The following ARMC9 variants were observed in gnomAD, a reference collection of about 807,000 sequenced individuals.
The protein encoded by ARMC9 is armadillo repeat containing 9, also known as lisH domain-containing protein ARMC9.
A neutral mutation model predicts 107.0 loss-of-function variants in ARMC9; 94 were observed. The observed-to-expected ratio is 0.88, with a 90% confidence interval of 0.74 to 1.04. ARMC9 has a LOEUF of 1.04. Among genes scored for constraint, ARMC9 ranks in the 50% least tolerant of loss-of-function variants. ARMC9 has a pLI of 0.00. For missense variants in ARMC9, 942 were observed against 1,030.1 expected (o/e 0.91, Z 1.17); for synonymous variants, 380 against 396.9 (o/e 0.96, Z 0.51).
chr2:231,325,418 C>T (rs975334146), intron 19 of ARMC9, among the ~76,000 whole-genome samples: 6 of 152,140 alleles, frequency 3.9e-5, no homozygotes, highest in Admixed American at 6.5e-5. Flanking sequence ...ATGTGTTTCT[C>T]GTTGAAATGG....
chr2:231,328,526 G>A (rs1295850434), intron 19 of ARMC9, among the ~76,000 whole-genome samples: 1 of 152,120 alleles, frequency 6.6e-6, no homozygotes, highest in African/African-American at 2.4e-5. Flanking sequence ...GAATTAGATT[G>A]AGGTTCAGTT....
At chr2:231,243,272 G>T (rs2036465091) in intron 9 of ARMC9, among the ~76,000 whole-genome samples, 1 of 151,622 alleles carries the variant, frequency 6.6e-6, no homozygotes, top group Admixed American at 6.6e-5. Flanking sequence ...AATTAGTTGG[G>T]CTTGGTGGTG....
intron 19 of ARMC9, among the ~76,000 whole-genome samples, chr2:231,320,937 G>A (rs1024556897): frequency 6.6e-6 from 1 of 152,204 alleles, no homozygotes; most frequent in Non-Finnish European, 1.5e-5. Context: ...CTTGCTGAAT[G>A]TCGAGTCAGT....
At chr2:231,206,328 G>A in intron 2 of ARMC9, 39 bp downstream of exon 2, 1 of 1,561,978 alleles carries the variant, frequency 6.4e-7, no homozygotes, top group Non-Finnish European at 8.8e-7. Context: ...CAGAGAAACA[G>A]ATCTTGAAAA....
At chr2:231,258,373 G>T (rs1473754340) in intron 10 of ARMC9, among the ~76,000 whole-genome samples, 1 of 151,964 alleles carries the variant, frequency 6.6e-6, no homozygotes, top group Non-Finnish European at 1.5e-5. Flanking sequence ...TAGAGACGGG[G>T]TTTCACCATG....
At chr2:231,205,469 G>C (rs1447891143) in intron 1 of ARMC9, among the ~76,000 whole-genome samples, 2 of 152,174 alleles carry the variant, frequency 1.3e-5, no homozygotes, top group African/African-American at 4.8e-5. Flanking sequence ...CCAGTGAATG[G>C]CATGGTTAAC....
chr2:231,360,714 C>CT lies in ARMC9; in HGVS notation c.2132-40_2132-39insT. ...CGAGAGGGCATCCTTAGAGGGGCTCCAGAGCAGATGTGGACTGAACTTTCT... is the reference window on the plus strand; with the variant it reads ...CGAGAGGGCATCCTTAGAGGGGCTCCTAGAGCAGATGTGGACTGAACTTTCT... On this transcript the variant is annotated intron_variant, in intron 22 of 24. Coordinates refer to ENST00000611582, the MANE Select transcript of ARMC9 (RefSeq NM_001352754.2). This position sits in a 1 kb window ranked among gnomAD's most constrained non-coding sequence, Gnocchi z 4.7. 6.5e-7 allele frequency: 1 copy of CT among 1,536,142 alleles called. No individual in the cohort carries two copies. Among genetic ancestry groups the CT allele is most frequent in the South Asian group, 1.2e-5 (1 of 84,064 alleles).
chr2:231,278,580 C>T (rs760858015), intron 16 of ARMC9, 122 bp downstream of exon 16: 18 of 779,898 alleles, frequency 2.3e-5, no homozygotes, highest in Non-Finnish European at 3.8e-5. Context: ...TGTACATGTT[C>T]TCTGTCCTTC....
intron 19 of ARMC9, among the ~76,000 whole-genome samples, chr2:231,314,229 G>A (rs13409070): frequency 1.3e-5 from 2 of 151,826 alleles, no homozygotes; most frequent in East Asian, 1.9e-4. Context: ...ACAGGCATGC[G>A]CCACCATGCC....
chr2:231,322,326 G>C (rs944003800), intron 19 of ARMC9, among the ~76,000 whole-genome samples: 1 of 152,232 alleles, frequency 6.6e-6, no homozygotes, highest in African/African-American at 2.4e-5. Context: ...CTCCCATGTG[G>C]AGTGTTTTTC....
At chr2:231,302,442 T>G (rs966233302) in intron 19 of ARMC9, among the ~76,000 whole-genome samples, 3,413 of 138,108 alleles carry the variant, frequency 0.025, 10 homozygotes, top group African/African-American at 0.081. Context: ...GGTTTGTTTT[T>G]TTTTTTTTTT....
At chr2:231,259,480 A>G (rs2038138824) in intron 11 of ARMC9, among the ~76,000 whole-genome samples, 1 of 152,196 alleles carries the variant, frequency 6.6e-6, no homozygotes. Flanking sequence ...GACAGGCACC[A>G]ACGAAAGAAC....
chr2:231,216,924 A>G, intron 5 of ARMC9, 131 bp downstream of exon 5: 2 of 1,166,052 alleles, frequency 1.7e-6, no homozygotes, highest in South Asian at 3.3e-5. Flanking sequence ...ATTTTTAGTT[A>G]TAACCATAAT....
intron 1 of ARMC9, 90 bp downstream of exon 1, chr2:231,198,788 C>G (rs75385648): frequency 0.074 from 11,342 of 152,456 alleles, 608 homozygotes; most frequent in East Asian, 0.24. Context: ...GGCCGAGGCT[C>G]TGCGGACCTC....
In ARMC9 at chr2:231,359,287, A is replaced by G. The variant is rs181701923; in HGVS notation, c.2132-1467A>G. ...TTTTTAGTAGAGACAGGGTTTTACC[A>G]TGTTGGCCAGGCTGGTCTCAAACTC... On this transcript the variant is annotated intron_variant, in intron 22 of 24. Transcript: ENST00000611582. 7.8e-3 allele frequency among the ~76,000 whole-genome samples: 1,178 copies of G among 151,752 alleles called. 14 individuals are homozygous for G. Among genetic ancestry groups the G allele is most frequent in the African/African-American group, 0.027 (1,114 of 41,340 alleles).
intron 19 of ARMC9, among the ~76,000 whole-genome samples, chr2:231,328,819 CTTT>C (rs781598910): frequency 8.7e-6 from 1 of 115,220 alleles, no homozygotes. Flanking sequence ...CTTTTCTTTT[CTTT>C]TTTTTTTTTT....
At chr2:231,238,203 T>C (rs1214934997) in intron 8 of ARMC9, among the ~76,000 whole-genome samples, 2 of 151,908 alleles carry the variant, frequency 1.3e-5, no homozygotes, top group East Asian at 3.9e-4. Context: ...GATAAGGATC[T>C]AGGGTGAAAA....
chr2:231,285,376 T>C (rs926366446), intron 17 of ARMC9, among the ~76,000 whole-genome samples: 2 of 152,004 alleles, frequency 1.3e-5, no homozygotes, highest in African/African-American at 4.8e-5. Context: ...TGGGGCACGG[T>C]GGCTCATGCC....
At chr2:231,369,743 G>A (rs1024110186) in intron 23 of ARMC9, among the ~76,000 whole-genome samples, 9 of 151,868 alleles carry the variant, frequency 5.9e-5, no homozygotes, top group African/African-American at 9.7e-5. Context: ...ACAGGTGCCC[G>A]CCACCGCGCC....
Sources: gnomAD v4.1 joint callset for allele counts (sites outside exome capture counted in the v4.1 genomes callset) on GRCh38, gnomAD v4.1.1 for gene constraint, Gnocchi (gnomAD v3.1) non-coding constraint, MANE v1.5 for transcripts, NCBI Gene and HGNC (gene_info 2026-07-23, HGNC 2026-07-21) for gene names.